PDE10A: variants seen among roughly 807,000 people sequenced by gnomAD.
The protein encoded by PDE10A is phosphodiesterase 10A.
Under a neutral mutation model 97.7 loss-of-function variants are expected in PDE10A, and 39 were observed. That is an observed-to-expected ratio of 0.40 (90% CI 0.31 to 0.52). The LOEUF is 0.52. PDE10A is among the 20% of genes least tolerant of loss of function. The pLI is 0.56. For synonymous variants in PDE10A, 371 were observed against 376.8 expected, an observed-to-expected ratio of 0.98 and a Z score of 0.18; for missense variants, 731 against 1,047.8, an observed-to-expected ratio of 0.70 and a Z score of 4.17.
intron 21 of PDE10A, among the ~76,000 whole-genome samples, chr6:165,334,632 A>G (rs901425964): frequency 2.0e-5 from 3 of 152,160 alleles, no homozygotes; most frequent in African/African-American, 7.2e-5. Context: ...AATTTTGCAC[A>G]CACTTTTATA....
chr6:165,882,078 G>A (rs1220475105), intron 1 of PDE10A, among the ~76,000 whole-genome samples: 1 of 152,082 alleles, frequency 6.6e-6, no homozygotes, highest in Non-Finnish European at 1.5e-5. Flanking sequence ...TCAGCCCTCT[G>A]GCCCAAAGAA....
At chr6:165,759,652 C>CA (rs1793205620) in intron 1 of PDE10A, among the ~76,000 whole-genome samples, 1 of 152,166 alleles carries the variant, frequency 6.6e-6, no homozygotes, top group Non-Finnish European at 1.5e-5. Flanking sequence ...TTTCTGAGGA[C>CA]AACTTCCAAC....
At position 165,344,584 on chromosome 6, in the gene PDE10A, C is replaced by T. The variant is rs548429135; in HGVS notation, c.2784-1082G>A. Among the ~76,000 whole-genome samples the T allele has an allele frequency of 4.6e-5, 7 of 152,314 alleles. No individual in the cohort carries two copies. The East Asian group carries it at 7.7e-4, about 17-fold the overall frequency. On this transcript the variant is annotated intron_variant, in intron 18 of 21. Coordinates refer to ENST00000539869, the MANE Select transcript of PDE10A (RefSeq NM_001385079.1). ...CCTGTCTTGACCCAGGCAGACAGCA[C>T]ATTAGGAGCATCCATCTGTCAATCT...
chr6:165,468,255 ATT>A (rs1169418884), intron 3 of PDE10A, among the ~76,000 whole-genome samples: 4 of 131,380 alleles, frequency 3.0e-5, no homozygotes, highest in Non-Finnish European at 3.3e-5. Flanking sequence ...ATTTTTTTTT[ATT>A]TTTTTTTTTT....
At chr6:165,703,876 G>C (rs538311385) in intron 1 of PDE10A, among the ~76,000 whole-genome samples, 1 of 152,316 alleles carries the variant, frequency 6.6e-6, no homozygotes, top group East Asian at 1.9e-4. Flanking sequence ...TCCACTGGGG[G>C]CTGGTACCAT....
intron 13 of PDE10A, among the ~76,000 whole-genome samples, chr6:165,406,228 A>ATGTGTGTGTTTGTGTGTGTGTG (rs1554256589): frequency 7.1e-6 from 1 of 140,424 alleles, no homozygotes; most frequent in Non-Finnish European, 1.5e-5. Flanking sequence ...AGGGAAAAGG[A>ATGTGTGTGTTTGTGTGTGTGTG]TGTGTGTGTG....
intron 1 of PDE10A, among the ~76,000 whole-genome samples, chr6:165,890,799 A>C (rs1475921018): frequency 6.6e-6 from 1 of 152,208 alleles, no homozygotes; most frequent in Non-Finnish European, 1.5e-5. Flanking sequence ...CTCCTTCTGG[A>C]AGCGAAGAGC....
intron 1 of PDE10A, among the ~76,000 whole-genome samples, chr6:165,596,811 C>A (rs1366084208): frequency 6.6e-6 from 1 of 152,148 alleles, no homozygotes; most frequent in Non-Finnish European, 1.5e-5. Context: ...CAGACAAAAT[C>A]CTTCATGGGG....
chr6:165,434,291 C>A (rs985382950), intron 6 of PDE10A, among the ~76,000 whole-genome samples: 25 of 152,034 alleles, frequency 1.6e-4, no homozygotes, highest in Non-Finnish European at 3.2e-4. Context: ...GTCCTTCTAT[C>A]TCTTCCTTCC....
At position 165,368,760 on chromosome 6, in the gene PDE10A, G is replaced by A. The variant is rs537925701; in HGVS notation, c.2783+10434C>T. Among the ~76,000 whole-genome samples the A allele has an allele frequency of 3.9e-4, 60 of 152,274 alleles. 1 individual carries two copies. Among genetic ancestry groups the A allele is most frequent in the South Asian group, 1.4e-3 (7 of 4,828 alleles). ...AGCACGTAGCTGGAGATCTGAGAAC[G>A]GGCAGACTGCCTCCTCAAGTGGGTC... On this transcript the variant is annotated intron_variant, in intron 18 of 21. Coordinates refer to ENST00000539869, the MANE Select transcript of PDE10A (RefSeq NM_001385079.1).
At chr6:165,459,084 T>C (rs917482873) in intron 3 of PDE10A, among the ~76,000 whole-genome samples, 5 of 152,218 alleles carry the variant, frequency 3.3e-5, no homozygotes, top group East Asian at 1.9e-4. Flanking sequence ...TGATGTTTTC[T>C]AAATATCAGA....
Position 165,668,523 on chromosome 6 carries a change from C to T in PDE10A, c.-614-124955G>A, listed in dbSNP as rs1440604058. The stretch of plus-strand genomic sequence containing the variant: ...TTGATAACCCAATTTTTATAATAGG[C>T]CTTGGCATGTATACAAGGGGTTCGA... On this transcript the variant is annotated intron_variant, in intron 1 of 19. Coordinates refer to the PDE10A transcript ENST00000366882. 4.6e-5 allele frequency among the ~76,000 whole-genome samples: 7 copies of T among 152,066 alleles called. No individual in the cohort carries two copies. In the South Asian group the frequency reaches 8.3e-4, roughly 18 times the overall value.
At chr6:165,540,070 T>C (rs938123346) in intron 2 of PDE10A, among the ~76,000 whole-genome samples, 19 of 152,122 alleles carry the variant, frequency 1.2e-4, no homozygotes, top group African/African-American at 4.1e-4. Flanking sequence ...CACTTGGAGG[T>C]TTAGTATTTA....
At chr6:165,755,451 T>C (rs1793096079) in intron 1 of PDE10A, among the ~76,000 whole-genome samples, 1 of 152,198 alleles carries the variant, frequency 6.6e-6, no homozygotes, top group African/African-American at 2.4e-5. Flanking sequence ...GGCGAATTTC[T>C]CCCTGTCCCT....
Position 165,336,158 on chromosome 6 carries a change from G to T in PDE10A, c.3030C>A (p.Ile1010=), listed in dbSNP as rs750961282. Residue 1010 remains isoleucine, a synonymous_variant, in exon 21 of 22, where the codon ATC becomes ATA. Coordinates refer to ENST00000539869, the MANE Select transcript of PDE10A (RefSeq NM_001385079.1). ...TCAGAAGAGGCTCCGTGGGAGGGAG[G>T]ATCTGGGTAAGGGTTGTATAGCAGG... ...AIPCYTTLTQ[I]LPPTEPLLKA... is the part of the protein sequence containing the mutation. The T allele has an allele frequency of 6.2e-7, 1 of 1,613,970 alleles. No individual in the cohort carries two copies. Among genetic ancestry groups the T allele is most frequent in the Non-Finnish European group, 8.5e-7 (1 of 1,179,898 alleles).
chr6:165,552,183 A>G lies in PDE10A; in HGVS notation c.866-8615T>C, dbSNP rs9457102. Among the ~76,000 whole-genome samples the G allele has an allele frequency of 8.5e-3, 1,287 of 152,270 alleles. 25 individuals are homozygous for G. Among genetic ancestry groups the G allele is most frequent in the African/African-American group, 0.03 (1,227 of 41,548 alleles). On this transcript the variant is annotated intron_variant, in intron 1 of 21. Transcript: ENST00000539869. ...CATCAAAAGCTGAAATTTCTTACTT[A>G]TTAGTAGGAATTTATTAGACTTCAG...
chr6:165,737,415 A>T (rs577731919), intron 1 of PDE10A, among the ~76,000 whole-genome samples: 1 of 152,232 alleles, frequency 6.6e-6, no homozygotes, highest in Non-Finnish European at 1.5e-5. Context: ...AACCAAAATT[A>T]GTAGCACATT....
At chr6:165,725,317 CA>C in intron 1 of PDE10A, among the ~76,000 whole-genome samples, 1 of 152,318 alleles carries the variant, frequency 6.6e-6, no homozygotes, top group East Asian at 1.9e-4. Flanking sequence ...CTGCAGATGG[CA>C]AAACAAAAAG....
chr6:165,917,843 G>A (rs12528241), intron 1 of PDE10A, among the ~76,000 whole-genome samples: 8,006 of 152,258 alleles, frequency 0.053, 339 homozygotes, highest in Admixed American at 0.1. Flanking sequence ...GGTTCTCTGA[G>A]CCGGTGACGC....
Sources: allele counts gnomAD v4.1 joint callset (sites outside exome capture counted in the v4.1 genomes callset), GRCh38; gene constraint gnomAD v4.1.1; transcripts MANE v1.5; gene names NCBI Gene and HGNC (gene_info 2026-07-23, HGNC 2026-07-21).